EDA: variants seen among roughly 807,000 people sequenced by gnomAD.
EDA encodes the protein ectodysplasin-A.
In EDA, 2 loss-of-function variants were observed where a neutral mutation model predicts 23.6. The observed-to-expected ratio is 0.08, with a 90% CI of 0.03 to 0.27. The LOEUF is 0.27. EDA is among the 10% of genes least tolerant of loss of function. EDA has a pLI of 1.00. For missense variants in EDA, 229 were observed against 324.2 expected (o/e 0.71, Z 2.26); for synonymous variants, 131 against 132.0 (o/e 0.99, Z 0.05).
chrX:69,676,327 G>T (rs1229075334), intron 1 of EDA, among the ~76,000 whole-genome samples: 2 of 111,764 alleles, frequency 1.8e-5, no homozygotes, highest in Middle Eastern at 9.3e-3. Context: ...AGTAAGTTAG[G>T]TGAGAGCTGA....
intron 1 of EDA, among the ~76,000 whole-genome samples, chrX:69,911,761 A>G (rs1000543666): frequency 2.7e-5 from 3 of 112,356 alleles, no homozygotes; most frequent in Admixed American, 9.4e-5. Context: ...ACTCAAAAAT[A>G]GTTTGTTGCT....
At chrX:69,619,109 G>T (rs1190182112) in intron 1 of EDA, among the ~76,000 whole-genome samples, 2 of 112,064 alleles carry the variant, frequency 1.8e-5, no homozygotes, top group African/African-American at 6.5e-5. Context: ...AGCCTTGTGG[G>T]ATTTGGCCAC....
intron 1 of EDA, among the ~76,000 whole-genome samples, chrX:69,692,522 G>A (rs1360638267): frequency 1.8e-5 from 2 of 111,661 alleles, no homozygotes; most frequent in African/African-American, 3.3e-5. Flanking sequence ...GCTAACACAC[G>A]TCATTAGCAA....
chrX:69,634,964 G>A (rs1216175609), intron 1 of EDA, among the ~76,000 whole-genome samples: 1 of 111,905 alleles, frequency 8.9e-6, no homozygotes, highest in Admixed American at 9.4e-5. Flanking sequence ...AATTATCTAT[G>A]ACTTTATGAA....
At chrX:69,857,962 T>A (rs1025375158) in intron 1 of EDA, among the ~76,000 whole-genome samples, 3 of 111,935 alleles carry the variant, frequency 2.7e-5, no homozygotes, top group Non-Finnish European at 5.6e-5. Context: ...TGGTTAGCTG[T>A]ATTCCTAGGT....
intron 1 of EDA, among the ~76,000 whole-genome samples, chrX:69,929,172 G>A (rs1019224559): frequency 6.3e-5 from 7 of 111,078 alleles, no homozygotes; most frequent in African/African-American, 2.3e-4. Context: ...GTTACCATTA[G>A]TACAAGTAAA....
intron 1 of EDA, among the ~76,000 whole-genome samples, chrX:69,740,402 G>A (rs2013417237): frequency 1.8e-5 from 2 of 110,619 alleles, no homozygotes; most frequent in Admixed American, 1.9e-4. Flanking sequence ...ATTTTTTTCT[G>A]GAGAAAATAT....
At chrX:69,878,200 A>T (rs983122221) in intron 1 of EDA, among the ~76,000 whole-genome samples, 9 of 112,559 alleles carry the variant, frequency 8.0e-5, no homozygotes, top group African/African-American at 2.3e-4. Context: ...AGTGATTTCC[A>T]TTGTGCAACA....
intron 1 of EDA, among the ~76,000 whole-genome samples, chrX:69,861,815 G>A (rs894309247): frequency 2.7e-5 from 3 of 111,739 alleles, no homozygotes; most frequent in Non-Finnish European, 5.6e-5. Context: ...TCATTTAGTA[G>A]GAGTTTGTGA....
intron 1 of EDA, among the ~76,000 whole-genome samples, chrX:69,867,396 G>C (rs189580514): frequency 1.8e-5 from 2 of 112,294 alleles, no homozygotes; most frequent in East Asian, 5.6e-4. Context: ...ACCACTCAGA[G>C]AGGTTCATTC....
intron 1 of EDA, among the ~76,000 whole-genome samples, chrX:69,830,743 G>C (rs765828212): frequency 8.9e-6 from 1 of 112,017 alleles, no homozygotes; most frequent in Non-Finnish European, 1.9e-5. Flanking sequence ...TGATTCAGTA[G>C]CTAACTGGAT....
intron 1 of EDA, among the ~76,000 whole-genome samples, chrX:69,783,657 T>C (rs2015035956): frequency 9.0e-6 from 1 of 111,703 alleles, no homozygotes; most frequent in Admixed American, 9.5e-5. Flanking sequence ...ATGGTGTATA[T>C]GTGCCACATT....
At chrX:69,883,753 T>C (rs894266738) in intron 1 of EDA, among the ~76,000 whole-genome samples, 5 of 111,796 alleles carry the variant, frequency 4.5e-5, no homozygotes, top group Non-Finnish European at 9.4e-5. Context: ...ATTTCAGCCA[T>C]AAATAAGCAA....
chrX:69,814,147 A>G (rs2016023815), intron 1 of EDA, among the ~76,000 whole-genome samples: 2 of 113,080 alleles, frequency 1.8e-5, no homozygotes, highest in African/African-American at 6.4e-5. Flanking sequence ...AAAAGACAAC[A>G]TCACAAAAAG....
intron 1 of EDA, among the ~76,000 whole-genome samples, chrX:69,895,395 T>TACACACACACACACACAC (rs200298403): frequency 1.7e-4 from 15 of 86,150 alleles, no homozygotes; most frequent in African/African-American, 5.6e-4. Flanking sequence ...TTTCTCAACC[T>TACACACACACACACACAC]ACACACACAC....
At chrX:69,625,818 C>T (rs1395799444) in intron 1 of EDA, among the ~76,000 whole-genome samples, 3 of 106,728 alleles carry the variant, frequency 2.8e-5, no homozygotes, top group African/African-American at 1.0e-4. Context: ...AGAAATGAAC[C>T]GTTTTGGAAA....
intron 1 of EDA, among the ~76,000 whole-genome samples, chrX:69,803,706 A>G (rs898322244): frequency 7.3e-4 from 81 of 110,559 alleles, no homozygotes; most frequent in African/African-American, 2.6e-3. Context: ...GAAACTATAT[A>G]TTATTGTTAA....
intron 1 of EDA, among the ~76,000 whole-genome samples, chrX:69,913,759 G>A (rs375598776): frequency 3.9e-4 from 44 of 111,610 alleles, no homozygotes; most frequent in African/African-American, 1.3e-3. Context: ...TAAACTTAAC[G>A]ATTTCTAGCT....
At chrX:69,987,325 T>TA (rs1280106347) in intron 2 of EDA, among the ~76,000 whole-genome samples, 15 of 87,965 alleles carry the variant, frequency 1.7e-4, no homozygotes, top group South Asian at 5.1e-4. Flanking sequence ...AATAAATAAA[T>TA]AAAAAAAAAA....
Sources: gnomAD v4.1 joint callset for allele counts (sites outside exome capture counted in the v4.1 genomes callset) on GRCh38, gnomAD v4.1.1 for gene constraint, MANE v1.5 for transcripts, NCBI Gene and HGNC (gene_info 2026-07-23, HGNC 2026-07-21) for gene names.